Variants in TANGO6 observed in about 807,000 individuals in gnomAD.
TANGO6 encodes the protein transport and Golgi organization protein 6 homolog.
In TANGO6, 90 loss-of-function variants were observed where a neutral mutation model predicts 114.2. The observed-to-expected ratio is 0.79, with a 90% CI of 0.66 to 0.94. The LOEUF is 0.94. TANGO6 is among the 40% of genes least tolerant of loss of function. The pLI is 0.00. For missense variants in TANGO6, 1,274 were observed against 1,315.3 expected (o/e 0.97, Z 0.49); for synonymous variants, 477 against 509.8 (o/e 0.94, Z 0.87).
intron 14 of TANGO6, among the ~76,000 whole-genome samples, chr16:68,960,297 C>CTT (rs201075757): frequency 1.5e-4 from 20 of 134,728 alleles, no homozygotes; most frequent in African/African-American, 1.9e-4. Flanking sequence ...ATTAGGGCAG[C>CTT]TTTTTTTTTT....
intron 14 of TANGO6, among the ~76,000 whole-genome samples, chr16:68,934,964 A>G (rs1057265231): frequency 9.2e-5 from 14 of 152,172 alleles, no homozygotes; most frequent in African/African-American, 2.9e-4. Context: ...GTGATGAAGA[A>G]CATGAGGGGT....
chr16:69,041,878 G>A (rs1447929340), intron 17 of TANGO6, among the ~76,000 whole-genome samples: 3 of 152,162 alleles, frequency 2.0e-5, no homozygotes, highest in Non-Finnish European at 4.4e-5. Flanking sequence ...GTATCAACAG[G>A]ACCAACATTT....
At chr16:68,895,610 C>A (rs1261837503) in intron 7 of TANGO6, among the ~76,000 whole-genome samples, 2 of 152,138 alleles carry the variant, frequency 1.3e-5, no homozygotes, top group African/African-American at 4.8e-5. Context: ...GAAGAAAAAT[C>A]ATTTCATAGT....
At chr16:68,975,537 G>C (rs774010304) in intron 15 of TANGO6, among the ~76,000 whole-genome samples, 37 of 151,246 alleles carry the variant, frequency 2.4e-4, no homozygotes, top group Non-Finnish European at 4.1e-4. Context: ...GTGTGATCAG[G>C]GAAATGTTTC....
At chr16:69,062,001 C>T (rs1597076232) in intron 17 of TANGO6, among the ~76,000 whole-genome samples, 1 of 152,040 alleles carries the variant, frequency 6.6e-6, no homozygotes, top group African/African-American at 2.4e-5. Flanking sequence ...GCCTTGGCGA[C>T]AGAGCGAGAC....
chr16:68,923,142 G>A (rs991681085), intron 12 of TANGO6, among the ~76,000 whole-genome samples: 7 of 149,252 alleles, frequency 4.7e-5, no homozygotes, highest in African/African-American at 1.7e-4. Flanking sequence ...TTTTGTAGTA[G>A]AGATGGGGTT....
chr16:68,920,578 T>G (rs1300917876), intron 12 of TANGO6, among the ~76,000 whole-genome samples: 1 of 152,156 alleles, frequency 6.6e-6, no homozygotes, highest in Non-Finnish European at 1.5e-5. Context: ...AAATCTACCC[T>G]GCAGCCAGCC....
At chr16:68,861,969 T>G (rs1406169025) in intron 2 of TANGO6, among the ~76,000 whole-genome samples, 1 of 152,156 alleles carries the variant, frequency 6.6e-6, no homozygotes. Context: ...CTATTGCTCA[T>G]AAAGGCAAAG....
intron 1 of TANGO6, among the ~76,000 whole-genome samples, chr16:68,853,138 A>G (rs1042617287): frequency 2.0e-5 from 3 of 152,164 alleles, no homozygotes; most frequent in African/African-American, 7.2e-5. Context: ...CAAATAATAC[A>G]TACATCATTC....
intron 14 of TANGO6, among the ~76,000 whole-genome samples, chr16:68,934,978 G>A (rs1016835200): frequency 4.6e-5 from 7 of 152,138 alleles, no homozygotes; most frequent in African/African-American, 1.4e-4. Context: ...GAGGGGTAGA[G>A]GCGTAATTTC....
chr16:68,930,114 A>T, intron 13 of TANGO6, 124 bp from the exon 14 acceptor site: 1 of 751,406 alleles, frequency 1.3e-6, no homozygotes. Flanking sequence ...ACTCTGTCAG[A>T]CCAGTTTCTA....
intron 14 of TANGO6, among the ~76,000 whole-genome samples, chr16:68,949,474 A>G (rs1045591014): frequency 6.6e-6 from 1 of 152,058 alleles, no homozygotes; most frequent in African/African-American, 2.4e-5. Context: ...GACAAAAATT[A>G]GCCGGGCATG....
intron 17 of TANGO6, among the ~76,000 whole-genome samples, chr16:69,053,649 A>C (rs1959988123): frequency 6.6e-6 from 1 of 152,180 alleles, no homozygotes; most frequent in Admixed American, 6.6e-5. Flanking sequence ...CTCTATGTAC[A>C]GGTACTTATT....
At chr16:69,066,137 T>C (rs376367167) in intron 17 of TANGO6, among the ~76,000 whole-genome samples, 2 of 152,098 alleles carry the variant, frequency 1.3e-5, no homozygotes, top group African/African-American at 4.8e-5. Context: ...TCAGACTACA[T>C]TAAATTCATT....
intron 11 of TANGO6, among the ~76,000 whole-genome samples, chr16:68,917,244 A>G (rs1241942850): frequency 2.6e-5 from 4 of 151,912 alleles, no homozygotes; most frequent in African/African-American, 7.3e-5. Context: ...TTGATTGCCC[A>G]TTTTTTGGTG....
chr16:68,988,971 T>C (rs1019136527), intron 15 of TANGO6, among the ~76,000 whole-genome samples: 1 of 152,082 alleles, frequency 6.6e-6, no homozygotes, highest in Non-Finnish European at 1.5e-5. Flanking sequence ...CCTCAGGTGA[T>C]CCTCCCTCTT....
chr16:68,909,291 G>T lies in TANGO6; in HGVS notation c.1881G>T (p.Glu627Asp), dbSNP rs1041833596. The change falls in exon 11 of 18, where the codon GAG becomes GAT. Residue 627 changes from glutamate (E) to aspartate (D), a missense_variant. Glu to Asp is a conservative substitution (Grantham distance 45, BLOSUM62 2). Coordinates refer to ENST00000261778, the MANE Select transcript of TANGO6 (RefSeq NM_024562.2). Reference sequence around the variant, plus strand: ...CCAGCAAGAGCCTCTTGGAATTAGAGCAACATCAGACTCTTCTTGTGGAAG... The same window carrying T: ...CCAGCAAGAGCCTCTTGGAATTAGATCAACATCAGACTCTTCTTGTGGAAG... The part of the protein sequence containing the change: ...PFSSKSLLEL[E>D]QHQTLLVEGQ... 1 of 1,611,352 alleles carries T rather than the reference G, an allele frequency of 6.2e-7. No homozygotes were observed. Among genetic ancestry groups the T allele is most frequent in the Non-Finnish European group, 8.5e-7 (1 of 1,178,658 alleles).
intron 9 of TANGO6, among the ~76,000 whole-genome samples, chr16:68,906,476 C>G (rs561685865): frequency 6.6e-6 from 1 of 152,090 alleles, no homozygotes; most frequent in Non-Finnish European, 1.5e-5. Context: ...CCTTCTCTTT[C>G]TTTGTTTTTC....
At chr16:68,922,535 AAAAC>A (rs1306623897) in intron 12 of TANGO6, among the ~76,000 whole-genome samples, 2 of 151,710 alleles carry the variant, frequency 1.3e-5, no homozygotes, top group Non-Finnish European at 2.9e-5. Flanking sequence ...ACTCCATCTC[AAAAC>A]AAACAAACAA....
Sources: allele counts gnomAD v4.1 joint callset (sites outside exome capture counted in the v4.1 genomes callset), GRCh38; gene constraint gnomAD v4.1.1; transcripts MANE v1.5; gene names NCBI Gene and HGNC (gene_info 2026-07-23, HGNC 2026-07-21).